Variants in IGF2BP2 observed in about 807,000 individuals in gnomAD.
IGF2BP2 encodes insulin like growth factor 2 mRNA binding protein 2.
In IGF2BP2, 17 loss-of-function variants were observed where a neutral mutation model predicts 75.8. The observed-to-expected ratio is 0.22, with a 90% CI of 0.15 to 0.34. The LOEUF is 0.34. IGF2BP2 is among the 10% of genes least tolerant of loss of function. The pLI, the probability that IGF2BP2 is intolerant of heterozygous loss-of-function variation, is 1.00. For missense variants in IGF2BP2, 516 were observed against 772.4 expected (o/e 0.67, Z 3.93); for synonymous variants, 288 against 295.6 (o/e 0.97, Z 0.26).
chr3:185,676,623 T>C (rs983341238), intron 7 of IGF2BP2, among the ~76,000 whole-genome samples: 1 of 151,284 alleles, frequency 6.6e-6, no homozygotes, highest in African/African-American at 2.4e-5. Flanking sequence ...CAGTGAACCA[T>C]GATCACACAC....
At chr3:185,699,295 A>G (rs998497356) in intron 2 of IGF2BP2, among the ~76,000 whole-genome samples, 1 of 152,144 alleles carries the variant, frequency 6.6e-6, no homozygotes, top group African/African-American at 2.4e-5. Context: ...TATTTATACA[A>G]TTATCCCCTT....
At chr3:185,675,009 C>CTTTTTTTTTTTTTTTTTT (rs777364824) in intron 9 of IGF2BP2, 60 of 109,962 alleles carry the variant, frequency 5.5e-4, no homozygotes, top group South Asian at 9.0e-4. Context: ...TCTTGCTTTT[C>CTTTTTTTTTTTTTTTTTT]TTTTTTTTTT....
At chr3:185,665,467 A>AAGG (rs1717332776) in intron 10 of IGF2BP2, among the ~76,000 whole-genome samples, 6 of 81,650 alleles carry the variant, frequency 7.3e-5, no homozygotes, top group South Asian at 5.3e-4. Flanking sequence ...GAAGAAGAAG[A>AAGG]AGAAGAAGGA....
intron 2 of IGF2BP2, among the ~76,000 whole-genome samples, chr3:185,816,232 T>G: frequency 6.6e-6 from 1 of 152,194 alleles, no homozygotes; most frequent in East Asian, 1.9e-4. Flanking sequence ...ATGTTTGTCT[T>G]GTTATGTCAG....
intron 12 of IGF2BP2, among the ~76,000 whole-genome samples, 166 bp downstream of exon 12, chr3:185,657,120 A>G (rs1321020570): frequency 6.6e-6 from 1 of 152,178 alleles, no homozygotes; most frequent in Non-Finnish European, 1.5e-5. Context: ...GGAATAAGAA[A>G]AGGAAAGATG....
At chr3:185,725,982 TTAC>T (rs1727274780) in intron 2 of IGF2BP2, among the ~76,000 whole-genome samples, 1 of 152,096 alleles carries the variant, frequency 6.6e-6, no homozygotes, top group African/African-American at 2.4e-5. Flanking sequence ...AATAAATTAA[TTAC>T]TTAATCCAGG....
chr3:185,646,996 GGA>G, intron 15 of IGF2BP2, 27 bp downstream of exon 15: 1 of 1,513,766 alleles, frequency 6.6e-7, no homozygotes, highest in Non-Finnish European at 9.2e-7. Context: ...GAGACTTGCA[GGA>G]GAGACAGGGC....
chr3:185,657,511 G>A (rs1191117191), intron 11 of IGF2BP2, 109 bp from the exon 12 acceptor site: 2 of 806,048 alleles, frequency 2.5e-6, no homozygotes, highest in South Asian at 1.8e-5. Flanking sequence ...GGAAGGCCCC[G>A]CCACCCAAGG....
chr3:185,780,351 T>A (rs1735049887), intron 2 of IGF2BP2, among the ~76,000 whole-genome samples: 1 of 152,184 alleles, frequency 6.6e-6, no homozygotes, highest in Admixed American at 6.5e-5. Flanking sequence ...ACATCACTTA[T>A]CACCTGTGGG....
At chr3:185,774,010 C>G (rs1418205989) in intron 2 of IGF2BP2, among the ~76,000 whole-genome samples, 7 of 152,178 alleles carry the variant, frequency 4.6e-5, no homozygotes, top group Non-Finnish European at 1.5e-5. Flanking sequence ...AGAAACAAAT[C>G]TCTTTTGATC....
intron 2 of IGF2BP2, among the ~76,000 whole-genome samples, chr3:185,711,088 T>C (rs1724731108): frequency 6.6e-6 from 1 of 152,224 alleles, no homozygotes; most frequent in South Asian, 2.1e-4. Context: ...ATTATTCTTA[T>C]TATTAAAAGA....
intron 2 of IGF2BP2, among the ~76,000 whole-genome samples, chr3:185,820,214 GTGTA>G (rs1216892211): frequency 3.1e-5 from 4 of 129,326 alleles, no homozygotes; most frequent in Admixed American, 7.5e-5. Context: ...ATGTGTGTGT[GTGTA>G]TGTGTATATA....
At position 185,672,180 on chromosome 3, in the gene IGF2BP2, T is replaced by G. The variant is rs548669938; in HGVS notation, c.1200+361A>C. ...GTAGATATATATCTCTCTTCAAGAA[T>G]CATCCAGGTACCCTATATATTTTAA... is the stretch of plus-strand genomic sequence containing the variant. On this transcript the variant is annotated intron_variant, in intron 10 of 15. Transcript: ENST00000382199. Among the ~76,000 whole-genome samples the G allele has an allele frequency of 2.6e-5, 4 of 152,354 alleles. No homozygotes were observed. The East Asian group carries it at 7.7e-4, about 29-fold the overall frequency.
chr3:185,790,216 G>A (rs938541546), intron 2 of IGF2BP2, among the ~76,000 whole-genome samples: 2 of 152,114 alleles, frequency 1.3e-5, no homozygotes, highest in South Asian at 4.1e-4. Flanking sequence ...TACCAGGTGT[G>A]CTCAAATCCC....
chr3:185,789,143 C>CA (rs1422111144), intron 2 of IGF2BP2, among the ~76,000 whole-genome samples: 2 of 152,178 alleles, frequency 1.3e-5, no homozygotes, highest in Non-Finnish European at 2.9e-5. Context: ...CAGGCACCAG[C>CA]ATCAACAAAG....
chr3:185,685,289 C>T (rs1408816660), intron 7 of IGF2BP2, among the ~76,000 whole-genome samples: 1 of 151,238 alleles, frequency 6.6e-6, no homozygotes, highest in Non-Finnish European at 1.5e-5. Context: ...CGGGAGGTTG[C>T]AGTGAGCCAA....
chr3:185,797,475 A>C (rs999966407), intron 2 of IGF2BP2, among the ~76,000 whole-genome samples: 8 of 152,250 alleles, frequency 5.3e-5, no homozygotes, highest in Non-Finnish European at 1.2e-4. Context: ...AGGACTAATG[A>C]TCTAACAACT....
In IGF2BP2 at chr3:185,643,504, T is replaced by G. The variant is rs6775054; in HGVS notation, c.*2027A>C. 2.3e-3 allele frequency among the ~76,000 whole-genome samples: 343 copies of G among 152,338 alleles called. No individual in the cohort carries two copies. The highest frequency in any genetic ancestry group is 7.8e-3 in the African/African-American group (326 of 41,576). ...CAAGGTGGACCCCAAGAATCTACAT[T>G]TCTAACAAGTTCCCAGATGATAGCT... On this transcript the variant is annotated 3_prime_UTR_variant, in exon 16 of 16. Coordinates refer to ENST00000382199, the MANE Select transcript of IGF2BP2 (RefSeq NM_006548.6).
rs777002619 is a variant in IGF2BP2 at position 185,652,132 on chromosome 3, T to C, written c.1423A>G (p.Met475Val). 6.2e-7 allele frequency: 1 copy of C among 1,613,072 alleles called. No homozygotes were observed. Among genetic ancestry groups the C allele is most frequent in the East Asian group, 2.2e-5 (1 of 44,872 alleles). Residue 475 changes from methionine (M) to valine (V), a missense_variant, in exon 13 of 16, where the codon ATG becomes GTG. This residue lies in a region of IGF2BP2 where 129 missense variants were observed against 230.5 expected (regional missense o/e 0.56). Transcript: ENST00000382199. ...PAEGPDVSER[M>V]VIITGPPEAQ... ...TCCGGTGGCCCGGTGATGATGACCA[T>C]CCTTTCGCTGACGTCTGGGCCTTCC...
Sources: allele counts gnomAD v4.1 joint callset (sites outside exome capture counted in the v4.1 genomes callset), GRCh38; gene constraint gnomAD v4.1.1; regional missense constraint gnomAD v4.1.1; transcripts MANE v1.5; gene names NCBI Gene and HGNC (gene_info 2026-07-23, HGNC 2026-07-21).